The following PEMT variants were observed in gnomAD, a reference collection of about 807,000 sequenced individuals.
The protein encoded by PEMT is phospholipid methyltransferase.
PEMT carries 23 observed loss-of-function variants against 27.4 expected under a neutral mutation model. That is an observed-to-expected ratio of 0.84 (90% confidence interval 0.60 to 1.19). The LOEUF is 1.19. Ranked by LOEUF, PEMT falls within the 50% of genes most tolerant of loss-of-function variation. The pLI is 0.00. For synonymous variants in PEMT, 137 were observed against 139.1 expected, an observed-to-expected ratio of 0.98 and a Z score of 0.11; for missense variants, 307 against 310.1, an observed-to-expected ratio of 0.99 and a Z score of 0.07.
intron 2 of PEMT, among the ~76,000 whole-genome samples, chr17:17,550,764 G>A (rs917632760): frequency 1.3e-5 from 2 of 152,112 alleles, no homozygotes; most frequent in African/African-American, 2.4e-5. Context: ...GGACACACTC[G>A]CACCCACACC....
intron 1 of PEMT, among the ~76,000 whole-genome samples, chr17:17,586,251 AG>A (rs1567759121): frequency 5.4e-5 from 6 of 112,020 alleles, no homozygotes; most frequent in African/African-American, 2.4e-4. Context: ...AAAGAAAGAA[AG>A]AAAGAAAGAA....
rs1907449233 is a variant in PEMT, at chr17:17,523,606, G to A, written c.205-1211C>T. ...GCACTGCAGCCAATTCTCCCAGAAG[G>A]TAAGCAGGCCCTAGTCCAGGTCTCA... On this transcript the variant is annotated intron_variant, in intron 2 of 6. Coordinates refer to ENST00000255389, the MANE Select transcript of PEMT (RefSeq NM_148172.3). The surrounding 1 kb of genome is among the most constrained non-coding windows in gnomAD (Gnocchi z 4.8). Among the ~76,000 whole-genome samples the A allele has an allele frequency of 6.6e-6, 1 of 152,162 alleles. No individual in the cohort carries two copies. Among genetic ancestry groups the A allele is most frequent in the South Asian group, 2.1e-4 (1 of 4,824 alleles).
At position 17,530,427 on chromosome 17, in the gene PEMT, G is replaced by A. The variant is rs141837690; in HGVS notation, c.205-8032C>T. ...GGAGAATCCCTTGAACCCCGGAGGCGGAGGTTGCAGTGAGCTGAGATGGCA... is the reference window on the plus strand; with the variant it reads ...GGAGAATCCCTTGAACCCCGGAGGCAGAGGTTGCAGTGAGCTGAGATGGCA... On this transcript the variant is annotated intron_variant, in intron 2 of 6. Coordinates refer to ENST00000255389, the MANE Select transcript of PEMT (RefSeq NM_148172.3). Among the ~76,000 whole-genome samples the A allele has an allele frequency of 2.1e-3, 313 of 152,226 alleles. No individual in the cohort carries two copies. In the Middle Eastern group the frequency reaches 0.024, roughly 12 times the overall value.
intron 2 of PEMT, among the ~76,000 whole-genome samples, chr17:17,554,343 C>T (rs1597925169): frequency 6.6e-6 from 1 of 152,190 alleles, no homozygotes; most frequent in East Asian, 1.9e-4. Flanking sequence ...ATGTTCACAG[C>T]CCCCCTCCCA....
intron 2 of PEMT, among the ~76,000 whole-genome samples, chr17:17,556,484 C>A (rs1264122983): frequency 6.6e-6 from 1 of 152,146 alleles, no homozygotes; most frequent in Non-Finnish European, 1.5e-5. Context: ...AGAGGTTCCC[C>A]TGCCTCAGCC....
rs1311065393 is a variant in PEMT at position 17,562,303 on chromosome 17, GA to G, written c.204+14616del. Among the ~76,000 whole-genome samples, 3 of 152,334 alleles carry G rather than the reference GA, an allele frequency of 2.0e-5. No individual in the cohort carries two copies. The East Asian group carries it at 5.8e-4, about 29-fold the overall frequency. On this transcript the variant is annotated intron_variant, in intron 2 of 6. Transcript: ENST00000255389. Reference sequence around the variant, plus strand: ...ATCCATGTGTTGTGTCTCAGGCACTGAGCTCACTGCAGCGGCAGCCACGACA... The same window carrying G: ...ATCCATGTGTTGTGTCTCAGGCACTGGCTCACTGCAGCGGCAGCCACGACA...
intron 2 of PEMT, among the ~76,000 whole-genome samples, chr17:17,525,422 T>C (rs1005351173): frequency 6.6e-6 from 1 of 152,218 alleles, no homozygotes; most frequent in African/African-American, 2.4e-5. Context: ...CTTCCCTGCC[T>C]GGCAGCACCA....
intron 2 of PEMT, among the ~76,000 whole-genome samples, chr17:17,575,253 T>C (rs2142738666): frequency 6.6e-6 from 1 of 152,322 alleles, no homozygotes; most frequent in East Asian, 1.9e-4. Flanking sequence ...TGTGTTTCAA[T>C]GTCCCTGTGC....
intron 2 of PEMT, among the ~76,000 whole-genome samples, chr17:17,551,746 C>T (rs1015313763): frequency 6.6e-6 from 1 of 152,322 alleles, no homozygotes; most frequent in East Asian, 1.9e-4. Flanking sequence ...CGGCCACCAG[C>T]GCAGGGCATG....
chr17:17,557,732 C>G (rs554083885), intron 2 of PEMT, among the ~76,000 whole-genome samples: 1 of 152,328 alleles, frequency 6.6e-6, no homozygotes, highest in South Asian at 2.1e-4. Flanking sequence ...ATTGCAGGGG[C>G]TGGTGACAAT....
intron 2 of PEMT, among the ~76,000 whole-genome samples, chr17:17,544,435 CA>C (rs1199043406): frequency 3.3e-5 from 5 of 152,120 alleles, no homozygotes; most frequent in Admixed American, 2.6e-4. Flanking sequence ...TGCCCACCAC[CA>C]CGCCCAGCTA....
chr17:17,540,345 GC>G (rs977729901), intron 2 of PEMT, among the ~76,000 whole-genome samples: 6 of 152,236 alleles, frequency 3.9e-5, no homozygotes, highest in Non-Finnish European at 8.8e-5. Flanking sequence ...CTCTGCGCCT[GC>G]TTTGCCCAGA....
chr17:17,534,087 A>T (rs996744561), intron 2 of PEMT, among the ~76,000 whole-genome samples: 1 of 151,780 alleles, frequency 6.6e-6, no homozygotes, highest in African/African-American at 2.4e-5. Flanking sequence ...CAGCCATTCC[A>T]CTCCTAGTAT....
chr17:17,536,730 C>T (rs1908500977), intron 2 of PEMT, among the ~76,000 whole-genome samples: 1 of 152,208 alleles, frequency 6.6e-6, no homozygotes, highest in Non-Finnish European at 1.5e-5. Context: ...TACACCTGCC[C>T]GTCCACCAGG....
chr17:17,536,225 T>C (rs1429325166), intron 2 of PEMT, among the ~76,000 whole-genome samples: 2 of 152,178 alleles, frequency 1.3e-5, no homozygotes, highest in East Asian at 3.9e-4. Flanking sequence ...ACGGGGGACG[T>C]CCGATAGTGT....
intron 2 of PEMT, among the ~76,000 whole-genome samples, chr17:17,534,569 C>T (rs144213253): frequency 2.0e-5 from 3 of 152,316 alleles, no homozygotes; most frequent in East Asian, 1.9e-4. Context: ...CGGCTCTTGC[C>T]TGTAATCCCA....
chr17:17,526,736 T>C (rs896943012), intron 2 of PEMT, among the ~76,000 whole-genome samples: 2 of 152,258 alleles, frequency 1.3e-5, no homozygotes, highest in Admixed American at 1.3e-4. Flanking sequence ...CTTGGTGTCC[T>C]TGGACTCAGA....
rs35277795 is a variant in PEMT at position 17,512,579 on chromosome 17, C to T, written c.396G>A (p.Ala132=). ...CGAGCACGACGCCCAGTCCCAGGAG[C>T]GCGAGGCCCAGGCTGTAGGCCGCGG... ...DTPAAYSLGL[A]LLGLGVVLVL... The change falls in exon 4 of 7, where the codon GCG becomes GCA. Residue 132 remains alanine (A), a synonymous_variant. Coordinates refer to ENST00000255389, the MANE Select transcript of PEMT (RefSeq NM_148172.3). The surrounding 1 kb of genome is among the most constrained non-coding windows in gnomAD (Gnocchi z 6.3). 108,420 of 1,607,250 alleles carry T rather than the reference C, an allele frequency of 0.067. 4,015 individuals are homozygous for T. The highest frequency in any genetic ancestry group is 0.076 in the Non-Finnish European group (89,686 of 1,176,636).
intron 2 of PEMT, among the ~76,000 whole-genome samples, chr17:17,542,597 T>C (rs1300442533): frequency 6.6e-6 from 1 of 152,206 alleles, no homozygotes; most frequent in Non-Finnish European, 1.5e-5. Context: ...GGTGGGATTG[T>C]CTTTCATGGA....
Sources: gnomAD v4.1 joint callset for allele counts (sites outside exome capture counted in the v4.1 genomes callset) on GRCh38, gnomAD v4.1.1 for gene constraint, Gnocchi (gnomAD v3.1) non-coding constraint, MANE v1.5 for transcripts, NCBI Gene and HGNC (gene_info 2026-07-23, HGNC 2026-07-21) for gene names.